The following TMEM255A variants were observed in gnomAD, a reference collection of about 807,000 sequenced individuals.
The protein encoded by TMEM255A is family with sequence similarity 70, member A.
A neutral mutation model predicts 23.5 loss-of-function variants in TMEM255A; 14 were observed. The ratio of observed to expected loss-of-function variants is 0.60; its 90% CI spans 0.39 to 0.93. The LOEUF (loss-of-function observed/expected upper bound fraction) is 0.93. Among genes scored for constraint, TMEM255A ranks in the 40% least tolerant of loss-of-function variants. TMEM255A has a pLI of 0.00. For missense variants in TMEM255A, 233 were observed against 261.7 expected (o/e 0.89, Z 0.76); for synonymous variants, 104 against 100.3 (o/e 1.04, Z -0.22).
At chrX:120,283,479 GA>G (rs1431018795) in intron 6 of TMEM255A, among the ~76,000 whole-genome samples, 1 of 111,112 alleles carries the variant, frequency 9.0e-6, no homozygotes, top group Non-Finnish European at 1.9e-5. Flanking sequence ...TGTGAGTGAT[GA>G]GGGGGCTGCA....
chrX:120,279,998 C>CTTTTT (rs59428362), intron 6 of TMEM255A, among the ~76,000 whole-genome samples: 57 of 38,185 alleles, frequency 1.5e-3, no homozygotes, highest in South Asian at 3.0e-3. Flanking sequence ...CCTTTTCTTT[C>CTTTTT]TTTTTTTTTT....
chrX:120,265,468 C>T (rs2057710496), intron 8 of TMEM255A, among the ~76,000 whole-genome samples: 1 of 112,000 alleles, frequency 8.9e-6, no homozygotes, highest in Non-Finnish European at 1.9e-5. Context: ...AATCCTTTTT[C>T]AGTGGGGATC....
At chrX:120,294,600 G>C (rs1203984258) in intron 2 of TMEM255A, among the ~76,000 whole-genome samples, 1 of 111,970 alleles carries the variant, frequency 8.9e-6, no homozygotes, top group Non-Finnish European at 1.9e-5. Flanking sequence ...AAAAGTAAAG[G>C]TCAACCATAG....
At chrX:120,270,753 C>G (rs782307777) in intron 7 of TMEM255A, among the ~76,000 whole-genome samples, 2 of 110,388 alleles carry the variant, frequency 1.8e-5, no homozygotes, top group African/African-American at 6.6e-5. Context: ...TCACAGCCCT[C>G]GGCTCCTGTC....
At chrX:120,300,777 T>C (rs1229941941) in intron 2 of TMEM255A, among the ~76,000 whole-genome samples, 1 of 109,255 alleles carries the variant, frequency 9.2e-6, no homozygotes, top group African/African-American at 3.3e-5. Flanking sequence ...GTGGGGTGAG[T>C]GATCATGGTT....
Position 120,285,228 on chromosome X carries a change from A to G in TMEM255A, c.424-13T>C. On this transcript the variant is annotated splice_polypyrimidine_tract_variant and intron_variant, in intron 5 of 8. Transcript: ENST00000371369. ...GAGGGCAGTTAACCTGACGGTATATAACAGTGAGGAGATGAGCTGGCATTG... is the reference window on the plus strand; with the variant it reads ...GAGGGCAGTTAACCTGACGGTATATGACAGTGAGGAGATGAGCTGGCATTG... The G allele has an allele frequency of 8.5e-7, 1 of 1,182,195 alleles. No homozygotes were observed. Among genetic ancestry groups the G allele is most frequent in the Non-Finnish European group, 1.2e-6 (1 of 868,429 alleles).
At chrX:120,307,808 G>A (rs2058074192) in intron 1 of TMEM255A, among the ~76,000 whole-genome samples, 1 of 112,009 alleles carries the variant, frequency 8.9e-6, no homozygotes, top group African/African-American at 3.3e-5. Flanking sequence ...AGCAGTGAGA[G>A]AGTCTGAAAT....
intron 5 of TMEM255A, chrX:120,285,525 A>T: frequency 9.3e-7 from 1 of 1,071,208 alleles, no homozygotes; most frequent in Non-Finnish European, 1.3e-6. Context: ...GAAGGAAATG[A>T]GAATATGAGG....
chrX:120,306,066 CATGT>C (rs1556026994), intron 1 of TMEM255A, among the ~76,000 whole-genome samples: 2 of 111,598 alleles, frequency 1.8e-5, no homozygotes, highest in Admixed American at 1.9e-4. Context: ...GCTAAAGCAC[CATGT>C]CTCACCCTGG....
chrX:120,252,999 A>T, the TMEM255A span, among the ~76,000 whole-genome samples: 1 of 112,273 alleles, frequency 8.9e-6, no homozygotes, highest in Non-Finnish European at 1.9e-5. Context: ...TACAGGCGAA[A>T]TAACTTCTGT....
At chrX:120,291,071 TG>T (rs2057911260) in intron 4 of TMEM255A, among the ~76,000 whole-genome samples, 179 bp downstream of exon 4, 1 of 111,554 alleles carries the variant, frequency 9.0e-6, no homozygotes, top group African/African-American at 3.3e-5. Flanking sequence ...ATTCTCTAGA[TG>T]TCCGCGTGTC....
the TMEM255A span, among the ~76,000 whole-genome samples, chrX:120,251,836 C>A: frequency 4.5e-5 from 5 of 112,238 alleles, no homozygotes; most frequent in Non-Finnish European, 9.4e-5. Flanking sequence ...GAAACGAAAC[C>A]GAGTCCCAGT....
intron 1 of TMEM255A, among the ~76,000 whole-genome samples, chrX:120,310,620 C>A (rs1330486338): frequency 9.1e-6 from 1 of 110,147 alleles, no homozygotes; most frequent in Non-Finnish European, 1.9e-5. Flanking sequence ...TTGATCCCGC[C>A]GCTGCAGAGG....
chrX:120,266,915 G>A (rs1239847263), intron 8 of TMEM255A, among the ~76,000 whole-genome samples: 1 of 112,144 alleles, frequency 8.9e-6, no homozygotes, highest in Admixed American at 9.4e-5. Flanking sequence ...TACACAGTAG[G>A]CTTTAGAACG....
chrX:120,260,692 A>G lies in TMEM255A; in HGVS notation c.*178T>C. 1 of 574,948 alleles carries G rather than the reference A, an allele frequency of 1.7e-6. No homozygotes were observed. Among genetic ancestry groups the G allele is most frequent in the Non-Finnish European group, 2.5e-6 (1 of 392,404 alleles). 47.4% of individuals were successfully genotyped at this position (574,948 alleles called of 1,213,427 possible). The stretch of plus-strand genomic sequence containing the variant: ...GCCCTTCTGTGCTGCGTTCAGCCTG[A>G]CCACCCCTGCTCTGCACTAATAATG... On this transcript the variant is annotated 3_prime_UTR_variant, in exon 9 of 9. Coordinates refer to ENST00000371369, the MANE Select transcript of TMEM255A (RefSeq NM_001104544.3).
rs1287886858 is a variant in TMEM255A, at chrX:120,260,391, C to T, written c.*479G>A. On this transcript the variant is annotated 3_prime_UTR_variant, in exon 9 of 9. Transcript: ENST00000371369. Reference sequence around the variant, plus strand: ...CAAACAAAATCTTAGCCAGAACTCTCTGTATTGGAACTACTGTGTAGCCCC... The same window carrying T: ...CAAACAAAATCTTAGCCAGAACTCTTTGTATTGGAACTACTGTGTAGCCCC... The T allele has an allele frequency of 5.5e-5, 7 of 126,546 alleles. No homozygotes were observed. The highest frequency in any genetic ancestry group is 1.6e-4 in the African/African-American group (5 of 31,238). 10.4% of individuals were successfully genotyped at this position (126,546 alleles called of 1,213,427 possible).
intron 8 of TMEM255A, among the ~76,000 whole-genome samples, chrX:120,267,940 A>T (rs1211373741): frequency 9.0e-6 from 1 of 110,953 alleles, no homozygotes; most frequent in Admixed American, 9.6e-5. Context: ...CAACTAGCTT[A>T]TCTTCTCCTT....
intron 2 of TMEM255A, among the ~76,000 whole-genome samples, chrX:120,298,458 G>A (rs2058012475): frequency 9.0e-6 from 1 of 111,164 alleles, no homozygotes; most frequent in African/African-American, 3.3e-5. Flanking sequence ...TAACTTGGTG[G>A]CAAAACCTGA....
chrX:120,287,714 G>A (rs868918435), intron 4 of TMEM255A, among the ~76,000 whole-genome samples: 1 of 111,782 alleles, frequency 8.9e-6, no homozygotes, highest in Non-Finnish European at 1.9e-5. Context: ...GAAGAGCTCA[G>A]GAAGCAAGCC....
Sources: gnomAD v4.1 joint callset for allele counts (sites outside exome capture counted in the v4.1 genomes callset) on GRCh38, gnomAD v4.1.1 for gene constraint, MANE v1.5 for transcripts, NCBI Gene and HGNC (gene_info 2026-07-23, HGNC 2026-07-21) for gene names.